The following FGF7 variants were observed in gnomAD, a reference collection of about 807,000 sequenced individuals.
The protein encoded by FGF7 is FGF-7.
FGF7 carries 6 observed loss-of-function variants against 20.5 expected under a neutral mutation model. The ratio of observed to expected loss-of-function variants is 0.29; its 90% CI spans 0.16 to 0.58. The LOEUF is 0.58. Among genes scored for constraint, FGF7 ranks in the 20% least tolerant of loss-of-function variants. FGF7 has a pLI of 0.90. For synonymous variants in FGF7, 64 were observed against 74.7 expected (o/e 0.86, Z 0.74); for missense variants, 144 against 228.8 (o/e 0.63, Z 2.39).
chr15:49,474,947 T>A (rs1339386743), intron 2 of FGF7, among the ~76,000 whole-genome samples: 6 of 152,018 alleles, frequency 3.9e-5, no homozygotes, highest in African/African-American at 1.4e-4. Context: ...CAGAATTAAT[T>A]CCAGATGAAT....
chr15:49,428,815 G>T (rs550054841), intron 2 of FGF7, among the ~76,000 whole-genome samples: 1 of 152,092 alleles, frequency 6.6e-6, no homozygotes, highest in Non-Finnish European at 1.5e-5. Context: ...TAGTTCCATA[G>T]CAAGAAAAGG....
At chr15:49,449,034 C>A (rs1313220021) in intron 2 of FGF7, among the ~76,000 whole-genome samples, 1 of 151,802 alleles carries the variant, frequency 6.6e-6, no homozygotes, top group Non-Finnish European at 1.5e-5. Context: ...TCTTTTCTGT[C>A]TGCACTCATC....
chr15:49,476,603 T>TA (rs1481342950), intron 2 of FGF7, among the ~76,000 whole-genome samples: 1 of 131,444 alleles, frequency 7.6e-6, no homozygotes, highest in East Asian at 2.3e-4. Context: ...TAATAGTAAT[T>TA]AATAAATCAC....
intron 2 of FGF7, among the ~76,000 whole-genome samples, chr15:49,442,580 A>G (rs1567283578): frequency 1.3e-5 from 2 of 151,464 alleles, no homozygotes; most frequent in Non-Finnish European, 3.0e-5. Context: ...CCCTTTCCTT[A>G]TCCCTCACTC....
intron 2 of FGF7, among the ~76,000 whole-genome samples, chr15:49,440,824 G>A (rs140828868): frequency 5.9e-5 from 9 of 151,592 alleles, no homozygotes; most frequent in Admixed American, 4.6e-4. Flanking sequence ...CCATTGAGTT[G>A]TTTTGTTATA....
rs2056397732 is a variant in FGF7, at chr15:49,486,310, C to G, written c.*1806C>G. 1 of 152,000 alleles carries G rather than the reference C, an allele frequency of 6.6e-6. No individual in the cohort carries two copies. Among genetic ancestry groups the G allele is most frequent in the Non-Finnish European group, 1.5e-5 (1 of 67,938 alleles). The allele number at this position is 152,000 out of a possible 1,614,324, so 9.4% of individuals were successfully genotyped here. A position where few individuals can be genotyped will look rare whatever the true frequency, so the allele number is the denominator to read the frequency against. On this transcript the variant is annotated 3_prime_UTR_variant, in exon 4 of 4. Coordinates refer to ENST00000267843, the MANE Select transcript of FGF7 (RefSeq NM_002009.4). ...AAAACTAGAAAGAACTGCCCTTCCT[C>G]AGATATACTCTTGGGAGAGAGCATG...
chr15:49,479,178 C>T (rs2055647566), intron 2 of FGF7, among the ~76,000 whole-genome samples: 1 of 152,192 alleles, frequency 6.6e-6, no homozygotes, highest in Non-Finnish European at 1.5e-5. Flanking sequence ...ATATTGCTGA[C>T]AAGGCTAAAT....
intron 2 of FGF7, among the ~76,000 whole-genome samples, chr15:49,451,706 C>T (rs191706135): frequency 4.6e-5 from 7 of 152,208 alleles, no homozygotes; most frequent in Non-Finnish European, 8.8e-5. Context: ...AATCATGAAA[C>T]ATGTCTTCTA....
At chr15:49,450,155 C>G (rs986532774) in intron 2 of FGF7, among the ~76,000 whole-genome samples, 2 of 151,954 alleles carry the variant, frequency 1.3e-5, no homozygotes, top group African/African-American at 4.8e-5. Context: ...AAGAAATTTG[C>G]AATAATGGAA....
chr15:49,464,317 A>G (rs908023023), intron 2 of FGF7, among the ~76,000 whole-genome samples: 2 of 152,096 alleles, frequency 1.3e-5, no homozygotes, highest in South Asian at 2.1e-4. Flanking sequence ...TTCTTAAAAG[A>G]GAAACAGAAA....
chr15:49,480,706 T>C lies in FGF7; in HGVS notation c.287-2445T>C, dbSNP rs148193050. 7.3e-3 allele frequency among the ~76,000 whole-genome samples: 1,113 copies of C among 152,064 alleles called. 27 individuals carry two copies. Among genetic ancestry groups the C allele is most frequent in the African/African-American group, 0.026 (1,064 of 41,470 alleles). On this transcript the variant is annotated intron_variant, in intron 2 of 3. Coordinates refer to ENST00000267843, the MANE Select transcript of FGF7 (RefSeq NM_002009.4). ...CCATGTTGGCCAGGTTAGTATTGAA[T>C]TCCTGACCTCAAGTGTTCCGCCTGA...
chr15:49,479,614 T>G (rs1326203531), intron 2 of FGF7, among the ~76,000 whole-genome samples: 4 of 136,040 alleles, frequency 2.9e-5, no homozygotes, highest in Non-Finnish European at 6.3e-5. Context: ...TTTTTTTTTT[T>G]TTTTTTTTTT....
At chr15:49,446,206 TTA>T (rs1487784964) in intron 2 of FGF7, among the ~76,000 whole-genome samples, 1 of 151,582 alleles carries the variant, frequency 6.6e-6, no homozygotes, top group Non-Finnish European at 1.5e-5. Flanking sequence ...TTTTTTCTTT[TTA>T]AGTTAAGAGC....
chr15:49,429,322 C>A (rs1038448972), intron 2 of FGF7, among the ~76,000 whole-genome samples: 2 of 151,940 alleles, frequency 1.3e-5, no homozygotes, highest in African/African-American at 4.8e-5. Context: ...TGCTGGGGAG[C>A]AGATTTGAAA....
intron 2 of FGF7, among the ~76,000 whole-genome samples, chr15:49,451,848 C>G (rs566622560): frequency 6.6e-6 from 1 of 152,194 alleles, no homozygotes; most frequent in African/African-American, 2.4e-5. Flanking sequence ...GAGGAAAAAA[C>G]TAAGACCCAC....
chr15:49,428,947 CT>C (rs1325014598), intron 2 of FGF7, among the ~76,000 whole-genome samples: 3 of 152,028 alleles, frequency 2.0e-5, no homozygotes, highest in African/African-American at 7.2e-5. Context: ...CTGAATTTGA[CT>C]TTGGCTACAA....
intron 2 of FGF7, among the ~76,000 whole-genome samples, chr15:49,455,956 G>A (rs1329839242): frequency 6.6e-6 from 1 of 151,968 alleles, no homozygotes; most frequent in Admixed American, 6.6e-5. Flanking sequence ...ATGTTGTTTA[G>A]GGGAGTATCA....
In FGF7 at chr15:49,424,839, C is replaced by T. The variant is rs370214365; in HGVS notation, c.286+256C>T. ...ATATATACTCCTTGTCCTGAAAATG[C>T]TCATAAGTTAAGCAAAATGTAAATA... On this transcript the variant is annotated intron_variant, in intron 2 of 3. Coordinates refer to ENST00000267843, the MANE Select transcript of FGF7 (RefSeq NM_002009.4). 9 of 269,278 alleles carry T rather than the reference C, an allele frequency of 3.3e-5. No individual in the cohort carries two copies. In the East Asian group the frequency reaches 4.4e-4, roughly 13 times the overall value. 16.7% of individuals were successfully genotyped at this position (269,278 alleles called of 1,614,324 possible). A position where few individuals can be genotyped will look rare whatever the true frequency, so the allele number is the denominator to read the frequency against.
intron 2 of FGF7, among the ~76,000 whole-genome samples, chr15:49,439,774 G>A (rs150898410): frequency 4.9e-4 from 74 of 151,754 alleles, no homozygotes; most frequent in African/African-American, 1.7e-3. Flanking sequence ...ACCCCACTTC[G>A]TAGCATTGAG....
Sources: allele counts gnomAD v4.1 joint callset (sites outside exome capture counted in the v4.1 genomes callset), GRCh38; gene constraint gnomAD v4.1.1; transcripts MANE v1.5; gene names NCBI Gene and HGNC (gene_info 2026-07-23, HGNC 2026-07-21).